Variants in CLK3 observed in about 807,000 individuals in gnomAD.
The protein encoded by CLK3 is dual specificity protein kinase CLK3.
In CLK3, 24 loss-of-function variants were observed where a neutral mutation model predicts 65.2. The observed-to-expected ratio is 0.37, with a 90% confidence interval of 0.27 to 0.52. The LOEUF (loss-of-function observed/expected upper bound fraction) is 0.52, where lower values mean the gene tolerates loss of function less well. CLK3 is among the 20% of genes least tolerant of loss of function. The pLI is 0.92. For synonymous variants in CLK3, 252 were observed against 240.8 expected (o/e 1.05, Z -0.43); for missense variants, 506 against 660.0 (o/e 0.77, Z 2.56).
chr15:74,621,949 G>C lies in CLK3; in HGVS notation c.370-171G>C, dbSNP rs953174987. On this transcript the variant is annotated intron_variant, in intron 3 of 12. Transcript: ENST00000395066. The surrounding 1 kb of genome is among the most constrained non-coding windows in gnomAD (Gnocchi z 4.8). ...ACGTGTCCCTTGCAATATCCCTATC[G>C]TTATATATGCTGTGTGCCTTATGAA... 2.9e-6 allele frequency: 2 copies of C among 689,290 alleles called. No homozygotes were observed. Among genetic ancestry groups the C allele is most frequent in the Non-Finnish European group, 5.3e-6 (2 of 375,358 alleles). The allele number at this position is 689,290 out of a possible 1,614,324, so 42.7% of individuals were successfully genotyped here.
At position 74,627,789 on chromosome 15, in the gene CLK3, A is replaced by G; in HGVS notation, c.1042+121A>G. The stretch of plus-strand genomic sequence containing the variant: ...AGGGCAGGCAGAGTTTCTCAGACCA[A>G]GGGGCCAGTGTCATGAGACACAGGT... On this transcript the variant is annotated intron_variant, in intron 9 of 12. Transcript: ENST00000395066. This position sits in a 1 kb window ranked among gnomAD's most constrained non-coding sequence, Gnocchi z 4.3. 7.0e-7 allele frequency: 1 copy of G among 1,429,260 alleles called. No homozygotes were observed. Among genetic ancestry groups the G allele is most frequent in the Non-Finnish European group, 9.7e-7 (1 of 1,026,254 alleles). 88.5% of individuals were successfully genotyped at this position (1,429,260 alleles called of 1,614,324 possible).
chr15:74,615,650 C>G, upstream of CLK3: 2 of 1,249,278 alleles, frequency 1.6e-6, no homozygotes, highest in East Asian at 3.2e-5. Flanking sequence ...GGGCCAGGCT[C>G]GTCCCCTCGG....
chr15:74,611,819 G>T (rs1438890207), upstream of CLK3, among the ~76,000 whole-genome samples: 1 of 152,258 alleles, frequency 6.6e-6, no homozygotes, highest in South Asian at 2.1e-4. Context: ...ACAGATCCTG[G>T]AGCTGGGGTA....
intron 3 of CLK3, chr15:74,620,622 GCCT>G (rs2062094261): frequency 7.6e-6 from 2 of 263,700 alleles, no homozygotes; most frequent in African/African-American, 2.2e-5. Context: ...CCCAGAGACT[GCCT>G]CCTCGTGTAA....
chr15:74,613,753 C>A (rs2062020800), upstream of CLK3, among the ~76,000 whole-genome samples: 1 of 152,068 alleles, frequency 6.6e-6, no homozygotes, highest in East Asian at 1.9e-4. Flanking sequence ...TCCCTCAGGG[C>A]TAGTATCCTG....
At chr15:74,628,539 CT>C in intron 10 of CLK3, 64 bp from the exon 11 acceptor site, 5 of 1,233,106 alleles carry the variant, frequency 4.1e-6, no homozygotes, top group South Asian at 1.4e-5. Context: ...TTTCTTGTTC[CT>C]TTTTCTCCTT....
chr15:74,625,892 G>A lies in CLK3; in HGVS notation c.741G>A (p.Leu247=). 6.2e-7 allele frequency: 1 copy of A among 1,614,166 alleles called. No homozygotes were observed. The part of the protein sequence containing the change: ...ELLGKNTFEF[L]KENNFQPYPL... ...TGGGCAAGAACACCTTTGAGTTCCT[G>A]AAGGAGAATAACTTCCAGCCTTACC... The change falls in exon 7 of 13, where the codon CTG becomes CTA. Residue 247 remains leucine (L), a synonymous_variant. Transcript: ENST00000395066.
intron 6 of CLK3, 118 bp from the exon 7 acceptor site, chr15:74,625,684 G>T: frequency 9.8e-7 from 1 of 1,015,746 alleles, no homozygotes. Context: ...GTGTGTATCT[G>T]CATTCTGGTG....
upstream of CLK3, chr15:74,615,779 C>T: frequency 8.0e-7 from 1 of 1,243,274 alleles, no homozygotes; most frequent in Non-Finnish European, 1.0e-6. Flanking sequence ...CGAGCCGAGG[C>T]TGGCGACGGC....
intron 10 of CLK3, 94 bp from the exon 11 acceptor site, chr15:74,628,510 G>C: frequency 1.2e-6 from 1 of 856,648 alleles, no homozygotes; most frequent in Non-Finnish European, 1.9e-6. Flanking sequence ...TCCTGGGGCA[G>C]TGAGGGCACT....
At chr15:74,619,098 A>G (rs1476420264) in intron 1 of CLK3, 99 bp from the exon 2 acceptor site, 31 of 1,458,900 alleles carry the variant, frequency 2.1e-5, no homozygotes, top group Admixed American at 5.9e-5. Flanking sequence ...CAAACAGAAC[A>G]ATGGGCCTCT....
chr15:74,623,160 C>T (rs2062116849), intron 5 of CLK3, among the ~76,000 whole-genome samples: 1 of 152,232 alleles, frequency 6.6e-6, no homozygotes, highest in South Asian at 2.1e-4. Context: ...CCAAGCCCAA[C>T]AGTACAATAG....
upstream of CLK3, among the ~76,000 whole-genome samples, chr15:74,614,607 ACCC>A (rs1438821773): frequency 6.6e-6 from 1 of 151,162 alleles, no homozygotes. Context: ...ACGCCTTGAA[ACCC>A]CCCGTTTCAG....
At chr15:74,619,437 C>T (rs2062084473) in intron 2 of CLK3, 89 bp downstream of exon 2, 2 of 1,432,786 alleles carry the variant, frequency 1.4e-6, no homozygotes, top group Non-Finnish European at 9.6e-7. Context: ...TGACTCCATC[C>T]CTGCCCAGCT....
chr15:74,612,027 G>C (rs1244346296), upstream of CLK3, among the ~76,000 whole-genome samples: 1 of 152,220 alleles, frequency 6.6e-6, no homozygotes, highest in Non-Finnish European at 1.5e-5. Flanking sequence ...TGAGCTGTGG[G>C]TGCTGCCAGG....
At position 74,625,880 on chromosome 15, in the gene CLK3, C is replaced by T. The variant is rs1262613989; in HGVS notation, c.729C>T (p.Thr243=). 6.2e-7 allele frequency: 1 copy of T among 1,614,140 alleles called. No individual in the cohort carries two copies. The highest frequency in any genetic ancestry group is 1.6e-4 in the Middle Eastern group (1 of 6,062). The change falls in exon 7 of 13, where the codon ACC becomes ACT. Residue 243 remains threonine, a synonymous_variant. Transcript: ENST00000395066. ...CCTTTGAGCTCCTGGGCAAGAACAC[C>T]TTTGAGTTCCTGAAGGAGAATAACT... ...CIAFELLGKN[T]FEFLKENNFQ...
upstream of CLK3, chr15:74,615,709 G>C (rs1489737530): frequency 3.2e-6 from 4 of 1,239,012 alleles, no homozygotes; most frequent in Admixed American, 1.3e-4. Context: ...GGAGCGGAGA[G>C]GGCTGGTGCC....
rs1202262105 is a variant in CLK3, at chr15:74,628,242, C to T, written c.1125+190C>T. On this transcript the variant is annotated intron_variant, in intron 10 of 12. Transcript: ENST00000395066. Reference sequence around the variant, plus strand: ...AAGGCAGAGGTCAGGGTAGCTGGAACACTCAGAGGAGTCTTATGCTAGGCC... The same window carrying T: ...AAGGCAGAGGTCAGGGTAGCTGGAATACTCAGAGGAGTCTTATGCTAGGCC... 2.0e-5 allele frequency among the ~76,000 whole-genome samples: 3 copies of T among 152,160 alleles called. No homozygotes were observed. The East Asian group carries it at 5.8e-4, about 29-fold the overall frequency.
At position 74,625,707 on chromosome 15, in the gene CLK3, G is replaced by A. The variant is rs963597171; in HGVS notation, c.651-95G>A. ...CTGCATTCTGGTGTGTGACCCGGTG[G>A]CCTAGGAGAGAGTTGGGAACTGTCT... is the stretch of plus-strand genomic sequence containing the variant. On this transcript the variant is annotated intron_variant, in intron 6 of 12. Transcript: ENST00000395066. 3.0e-6 allele frequency: 4 copies of A among 1,325,328 alleles called. No homozygotes were observed. In the African/African-American group the frequency reaches 5.8e-5, roughly 19 times the overall value. 82.1% of individuals were successfully genotyped at this position (1,325,328 alleles called of 1,614,324 possible). A position where few individuals can be genotyped will look rare whatever the true frequency, so the allele number is the denominator to read the frequency against.
Sources: allele counts gnomAD v4.1 joint callset (sites outside exome capture counted in the v4.1 genomes callset), GRCh38; gene constraint gnomAD v4.1.1; non-coding constraint Gnocchi (gnomAD v3.1); transcripts MANE v1.5; gene names NCBI Gene and HGNC (gene_info 2026-07-23, HGNC 2026-07-21).